Variants in CACNG3 observed in about 807,000 individuals in gnomAD.
The protein encoded by CACNG3 is calcium voltage-gated channel auxiliary subunit gamma 3.
Under a neutral mutation model 28.5 loss-of-function variants are expected in CACNG3, and 3 were observed. That is an observed-to-expected ratio of 0.11 (90% CI 0.05 to 0.27). The LOEUF (loss-of-function observed/expected upper bound fraction) is 0.27. CACNG3 is among the 10% of genes least tolerant of loss of function. The pLI, the probability that CACNG3 is intolerant of heterozygous loss-of-function variation, is 1.00. For missense variants in CACNG3, 236 were observed against 414.4 expected, an observed-to-expected ratio of 0.57 and a Z score of 3.74; for synonymous variants, 174 against 162.2, an observed-to-expected ratio of 1.07 and a Z score of -0.55.
chr16:24,344,037 G>A (rs528408523), intron 1 of CACNG3, among the ~76,000 whole-genome samples: 18 of 152,156 alleles, frequency 1.2e-4, no homozygotes, highest in Non-Finnish European at 2.4e-4. Context: ...CCAAGATTGC[G>A]TCACTGCACT....
chr16:24,346,869 C>T (rs1005237343), intron 2 of CACNG3, 52 bp downstream of exon 2: 2 of 1,404,522 alleles, frequency 1.4e-6, no homozygotes. Flanking sequence ...TGGGCCTCTG[C>T]CATCACTCAG....
At chr16:24,355,212 AAG>A (rs1567226348) in intron 3 of CACNG3, among the ~76,000 whole-genome samples, 10 of 152,268 alleles carry the variant, frequency 6.6e-5, no homozygotes, top group Admixed American at 4.6e-4. Flanking sequence ...CTGAGATTGA[AAG>A]AGAGAGAGGG....
At chr16:24,340,024 C>A (rs1020142785) in intron 1 of CACNG3, among the ~76,000 whole-genome samples, 7 of 152,114 alleles carry the variant, frequency 4.6e-5, no homozygotes, top group Non-Finnish European at 1.0e-4. Context: ...AATCCCAGCA[C>A]TTTTGCAGGC....
At chr16:24,263,769 T>C (rs1157661763) in intron 1 of CACNG3, among the ~76,000 whole-genome samples, 1 of 152,248 alleles carries the variant, frequency 6.6e-6, no homozygotes, top group African/African-American at 2.4e-5. Flanking sequence ...CTTCATTTCT[T>C]CTTACCTCTA....
intron 1 of CACNG3, among the ~76,000 whole-genome samples, chr16:24,262,537 C>T (rs1454985253): frequency 6.6e-6 from 1 of 152,232 alleles, no homozygotes; most frequent in East Asian, 1.9e-4. Context: ...CTGCACCTAC[C>T]CTAGCCCTTA....
At chr16:24,314,355 G>T (rs188422739) in intron 1 of CACNG3, among the ~76,000 whole-genome samples, 43 of 152,224 alleles carry the variant, frequency 2.8e-4, no homozygotes, top group African/African-American at 6.0e-4. Flanking sequence ...GGCAGAAGTC[G>T]CAGCTTCTTA....
At chr16:24,305,221 T>C (rs753487747) in intron 1 of CACNG3, among the ~76,000 whole-genome samples, 24 of 152,040 alleles carry the variant, frequency 1.6e-4, no homozygotes, top group Non-Finnish European at 2.8e-4. Context: ...ATGAGGAATA[T>C]GGGAAATCTC....
intron 1 of CACNG3, among the ~76,000 whole-genome samples, chr16:24,330,793 T>A (rs1477902027): frequency 6.6e-6 from 1 of 152,192 alleles, no homozygotes; most frequent in Admixed American, 6.5e-5. Flanking sequence ...GGAAACAGGA[T>A]GAGTTCTTCA....
chr16:24,256,566 A>T lies in CACNG3; in HGVS notation c.-189A>T. On this transcript the variant is annotated 5_prime_UTR_variant, in exon 1 of 4. Transcript: ENST00000005284. This position sits in a 1 kb window ranked among gnomAD's most constrained non-coding sequence, Gnocchi z 4.6. ...TGCACCCTTCCGAGGGCCATAGGCG[A>T]CCCAGGGAACTGGAGAGAGCTCCAG... The T allele has an allele frequency of 1.7e-6, 1 of 596,866 alleles. No individual in the cohort carries two copies. Among genetic ancestry groups the T allele is most frequent in the Non-Finnish European group, 3.0e-6 (1 of 334,744 alleles). 37.0% of individuals were successfully genotyped at this position (596,866 alleles called of 1,614,324 possible).
chr16:24,278,560 G>C (rs1423631161), intron 1 of CACNG3, among the ~76,000 whole-genome samples: 1 of 152,162 alleles, frequency 6.6e-6, no homozygotes, highest in Non-Finnish European at 1.5e-5. Flanking sequence ...AGGTTGCAGT[G>C]AGCCGAGATT....
At chr16:24,308,839 C>CAAAAAAAAAAAAAAAAAAAAA (rs71154298) in intron 1 of CACNG3, among the ~76,000 whole-genome samples, 11 of 27,272 alleles carry the variant, frequency 4.0e-4, no homozygotes, top group East Asian at 1.3e-3. Context: ...GAACCTACCT[C>CAAAAAAAAAAAAAAAAAAAAA]AAAAAAAAAA....
rs546224102 is a variant in CACNG3 at position 24,354,891 on chromosome 16, C to A, written c.354C>A (p.Gly118=). 6.2e-7 allele frequency: 1 copy of A among 1,612,320 alleles called. No individual in the cohort carries two copies. The highest frequency in any genetic ancestry group is 2.2e-5 in the East Asian group (1 of 44,882). The part of the protein sequence containing the change: ...PILSVTLLFF[G]GLCVAASEFH... ...TCAGTGTCACGCTGCTGTTCTTCGG[C>A]GGGCTCTGCGTGGCAGCCAGTGAGT... The change falls in exon 3 of 4, where the codon GGC becomes GGA. Residue 118 remains glycine, a synonymous_variant. Coordinates refer to ENST00000005284, the MANE Select transcript of CACNG3 (RefSeq NM_006539.4).
Position 24,338,485 on chromosome 16 carries a change from A to G in CACNG3, c.212-8249A>G, listed in dbSNP as rs575773108. On this transcript the variant is annotated intron_variant, in intron 1 of 3. Transcript: ENST00000005284. Reference sequence around the variant, plus strand: ...CAGCCTCCCGAGTAGCTGGGATTATAGGCACGCACCATCATGCCCAGCTTA... The same window carrying G: ...CAGCCTCCCGAGTAGCTGGGATTATGGGCACGCACCATCATGCCCAGCTTA... Among the ~76,000 whole-genome samples the G allele has an allele frequency of 6.6e-5, 10 of 152,232 alleles. No homozygotes were observed. The East Asian group carries it at 1.7e-3, about 27-fold the overall frequency.
At chr16:24,352,168 A>G (rs1899957689) in intron 2 of CACNG3, among the ~76,000 whole-genome samples, 1 of 152,042 alleles carries the variant, frequency 6.6e-6, no homozygotes, top group Non-Finnish European at 1.5e-5. Flanking sequence ...AAGCAAACGA[A>G]TGAAAGTGCA....
intron 1 of CACNG3, among the ~76,000 whole-genome samples, chr16:24,323,863 G>A (rs1596643081): frequency 6.6e-6 from 1 of 152,166 alleles, no homozygotes; most frequent in Non-Finnish European, 1.5e-5. Flanking sequence ...CACCTCCCAG[G>A]TTCAAGCGAT....
At chr16:24,281,044 T>C (rs1898820672) in intron 1 of CACNG3, among the ~76,000 whole-genome samples, 1 of 152,104 alleles carries the variant, frequency 6.6e-6, no homozygotes, top group African/African-American at 2.4e-5. Context: ...TATGGCTATA[T>C]GCGGGGACCA....
intron 1 of CACNG3, among the ~76,000 whole-genome samples, chr16:24,282,489 A>G (rs1486297973): frequency 6.6e-6 from 1 of 151,474 alleles, no homozygotes; most frequent in Non-Finnish European, 1.5e-5. Flanking sequence ...GTTGGCCAGG[A>G]TGATCTCGAT....
chr16:24,354,720 G>A lies in CACNG3; in HGVS notation c.296-113G>A, dbSNP rs929598030. On this transcript the variant is annotated intron_variant, in intron 2 of 3. Transcript: ENST00000005284. ...CTGGTCTCATGCCCGTGTTAGACAT[G>A]GGCTCTGTTCTCTTCCTGTGCTGCC... The A allele has an allele frequency of 1.1e-5, 12 of 1,054,878 alleles. No homozygotes were observed. In the African/African-American group the frequency reaches 1.6e-4, roughly 14 times the overall value. 65.3% of individuals were successfully genotyped at this position (1,054,878 alleles called of 1,614,324 possible).
rs559953550 is a variant in CACNG3 at position 24,333,951 on chromosome 16, T to A, written c.212-12783T>A. Among the ~76,000 whole-genome samples, 86 of 152,308 alleles carry A rather than the reference T, an allele frequency of 5.6e-4. 1 individual carries two copies. The highest frequency in any genetic ancestry group is 2.7e-3 in the South Asian group (13 of 4,828). On this transcript the variant is annotated intron_variant, in intron 1 of 3. Transcript: ENST00000005284. Reference sequence around the variant, plus strand: ...ACCCCAGCCTCAGCATTTTTCAAGCTTCCCTTCCCAAAGTAATTCCAATGT... The same window carrying A: ...ACCCCAGCCTCAGCATTTTTCAAGCATCCCTTCCCAAAGTAATTCCAATGT...
Sources: gnomAD v4.1 joint callset for allele counts (sites outside exome capture counted in the v4.1 genomes callset) on GRCh38, gnomAD v4.1.1 for gene constraint, Gnocchi (gnomAD v3.1) non-coding constraint, MANE v1.5 for transcripts, NCBI Gene and HGNC (gene_info 2026-07-23, HGNC 2026-07-21) for gene names.